Variants in PCDH17 observed in about 807,000 individuals in gnomAD.
PCDH17 encodes the protein protocadherin 17, also known as protocadherin-17.
PCDH17 carries 21 observed loss-of-function variants against 67.7 expected under a neutral mutation model. The ratio of observed to expected loss-of-function variants is 0.31; its 90% confidence interval spans 0.22 to 0.45. The LOEUF (loss-of-function observed/expected upper bound fraction) is 0.45. Ranked by LOEUF, PCDH17 falls within the 20% of genes least tolerant of loss-of-function variation. The pLI, the probability that PCDH17 is intolerant of heterozygous loss-of-function variation, is 1.00. For missense variants in PCDH17, 1,471 were observed against 1,564.8 expected (o/e 0.94, Z 1.01); for synonymous variants, 701 against 656.7 (o/e 1.07, Z -1.03).
At chr13:57,696,461 G>A (rs1955609464) in intron 3 of PCDH17, among the ~76,000 whole-genome samples, 1 of 150,950 alleles carries the variant, frequency 6.6e-6, no homozygotes, top group East Asian at 1.9e-4. Flanking sequence ...GAATATTGAT[G>A]GAAATGTTAA....
intron 3 of PCDH17, 146 bp downstream of exon 3, chr13:57,666,979 A>G: frequency 1.7e-6 from 1 of 601,634 alleles, no homozygotes; most frequent in East Asian, 3.2e-5. Context: ...TGCCCCAGAA[A>G]AAAAGCAACC....
chr13:57,683,525 G>C (rs1277118187), intron 3 of PCDH17, among the ~76,000 whole-genome samples: 2 of 151,798 alleles, frequency 1.3e-5, no homozygotes, highest in African/African-American at 2.4e-5. Flanking sequence ...GTTAGGTTTT[G>C]ATTGCCTTTA....
rs958109008 is a variant in PCDH17, at chr13:57,724,696, C to A, written c.2882C>A (p.Ala961Asp). The A allele has an allele frequency of 1.2e-6, 2 of 1,614,026 alleles. No homozygotes were observed. Among genetic ancestry groups the A allele is most frequent in the Admixed American group, 3.3e-5 (2 of 60,002 alleles). Reference protein sequence around the residue: ...DRCWMPQFPAANQAENADYRT... With the variant: ...DRCWMPQFPADNQAENADYRT... ...TGCTGGATGCCACAGTTCCCTGCAGCCAATCAGGCTGAAAATGCAGATTAC... is the reference window on the plus strand; with the variant it reads ...TGCTGGATGCCACAGTTCCCTGCAGACAATCAGGCTGAAAATGCAGATTAC... Residue 961 changes from alanine to aspartate, a missense_variant, in exon 4 of 4, where the codon GCC (alanine) becomes GAC (aspartate). Around this residue, in one of 3 missense-constraint regions of PCDH17, gnomAD observed 297 missense variants for 298.6 expected, o/e 0.99. Coordinates refer to ENST00000377918, the MANE Select transcript of PCDH17 (RefSeq NM_001040429.3).
At position 57,633,229 on chromosome 13, in the gene PCDH17, A is replaced by G. The variant is rs370170440; in HGVS notation, c.683A>G (p.Gln228Arg). The G allele has an allele frequency of 2.9e-5, 46 of 1,613,232 alleles. No homozygotes were observed. The highest frequency in any genetic ancestry group is 5.0e-5 in the Admixed American group (3 of 59,998). The change falls in exon 1 of 4, where the codon CAG (glutamine) becomes CGG (arginine). Residue 228 changes from glutamine (Q) to arginine (R), a missense_variant. Gln to Arg is a conservative substitution (Grantham distance 43, BLOSUM62 1). This residue lies in a region of PCDH17 where 1,163 missense variants were observed against 1,230.0 expected (regional missense o/e 0.95). Transcript: ENST00000377918. The surrounding 1 kb of genome is among the most constrained non-coding windows in gnomAD (Gnocchi z 6.2). ...GAGCCTCCACGTTCCGCCACCGTAC[A>G]GATCAACGTGAAGGTGATTGACTCC... ...GGEPPRSATV[Q>R]INVKVIDSND...
chr13:57,649,866 A>G (rs1274049889), intron 1 of PCDH17, among the ~76,000 whole-genome samples: 1 of 152,140 alleles, frequency 6.6e-6, no homozygotes, highest in Non-Finnish European at 1.5e-5. Flanking sequence ...TATATTAAGT[A>G]TATAGCTTTT....
At position 57,666,414 on chromosome 13, in the gene PCDH17, CAGG is replaced by C. The variant is rs1029684802; in HGVS notation, c.2566-51_2566-49del. 1,592 of 1,315,530 alleles carry C rather than the reference CAGG, an allele frequency of 1.2e-3. 4 individuals are homozygous for C. Among genetic ancestry groups the C allele is most frequent in the Non-Finnish European group, 9.1e-4 (831 of 913,510 alleles). The allele number at this position is 1,315,530 out of a possible 1,614,324, so 81.5% of individuals were successfully genotyped here. A position where few individuals can be genotyped will look rare whatever the true frequency, so the allele number is the denominator to read the frequency against. ...TCCACTAGGAAATCTTGTTGCTCTG[CAGG>C]AGATTTGTCCAGTGTACAACTATAC... On this transcript the variant is annotated intron_variant, in intron 1 of 3. Transcript: ENST00000377918.
At chr13:57,693,144 G>A (rs1955574373) in intron 3 of PCDH17, among the ~76,000 whole-genome samples, 1 of 149,764 alleles carries the variant, frequency 6.7e-6, no homozygotes, top group African/African-American at 2.4e-5. Flanking sequence ...TATTTCCACG[G>A]TTTTCAAATA....
chr13:57,708,007 GGCAGTATCCAATCAAGTACACA>G (rs1184051979), intron 3 of PCDH17, among the ~76,000 whole-genome samples: 4 of 151,968 alleles, frequency 2.6e-5, no homozygotes, highest in East Asian at 3.9e-4. Flanking sequence ...TAGGGTGGGG[GGCAGTATCCAATCAAGTACACA>G]GCCTATAGCT....
chr13:57,680,658 C>T (rs1955440113), intron 3 of PCDH17, among the ~76,000 whole-genome samples: 1 of 151,434 alleles, frequency 6.6e-6, no homozygotes, highest in South Asian at 2.1e-4. Flanking sequence ...ACTTGATGGC[C>T]AAGCTGATCA....
At chr13:57,635,999 T>G (rs1007780778) in intron 1 of PCDH17, among the ~76,000 whole-genome samples, 1 of 152,218 alleles carries the variant, frequency 6.6e-6, no homozygotes, top group Non-Finnish European at 1.5e-5. Context: ...GCATTTAGTT[T>G]GCATAGTGTG....
At chr13:57,696,014 A>G (rs1465037268) in intron 3 of PCDH17, among the ~76,000 whole-genome samples, 2 of 151,404 alleles carry the variant, frequency 1.3e-5, no homozygotes, top group South Asian at 2.1e-4. Context: ...TTTGAAATCC[A>G]GAACTGTTAG....
intron 1 of PCDH17, among the ~76,000 whole-genome samples, chr13:57,640,336 A>C (rs1954875626): frequency 6.6e-6 from 1 of 152,028 alleles, no homozygotes; most frequent in African/African-American, 2.4e-5. Context: ...AAATTTGGCT[A>C]TGCCTGTATT....
chr13:57,695,110 G>A (rs1305240932), intron 3 of PCDH17, among the ~76,000 whole-genome samples: 1 of 150,326 alleles, frequency 6.7e-6, no homozygotes, highest in African/African-American at 2.4e-5. Flanking sequence ...CCTACTGCCT[G>A]AAAAAAAATG....
intron 1 of PCDH17, among the ~76,000 whole-genome samples, chr13:57,659,196 A>G (rs1238689832): frequency 6.6e-6 from 1 of 151,990 alleles, no homozygotes; most frequent in Admixed American, 6.6e-5. Flanking sequence ...ATTGAATTCT[A>G]GCAGCATTTA....
In PCDH17 at chr13:57,729,254, G is replaced by A. The variant is rs950198718; in HGVS notation, c.*3960G>A. The stretch of plus-strand genomic sequence containing the variant: ...ATCTCAACGCTATTGTTTAATGGCT[G>A]TGTTTAATGTGATCTATCTGGAAAA... On this transcript the variant is annotated 3_prime_UTR_variant, in exon 4 of 4. Transcript: ENST00000377918. 6.6e-6 allele frequency: 1 copy of A among 152,138 alleles called. No individual in the cohort carries two copies. The highest frequency in any genetic ancestry group is 2.4e-5 in the African/African-American group (1 of 41,450). 9.4% of individuals were successfully genotyped at this position (152,138 alleles called of 1,614,324 possible). A position where few individuals can be genotyped will look rare whatever the true frequency, so the allele number is the denominator to read the frequency against.
chr13:57,684,566 A>G (rs73207444), intron 3 of PCDH17, among the ~76,000 whole-genome samples: 7,738 of 151,994 alleles, frequency 0.051, 261 homozygotes, highest in Middle Eastern at 0.095. Context: ...TTAGCACACA[A>G]GTATTCAAAA....
intron 3 of PCDH17, among the ~76,000 whole-genome samples, chr13:57,717,444 A>C (rs1200338852): frequency 6.6e-6 from 1 of 151,988 alleles, no homozygotes; most frequent in Non-Finnish European, 1.5e-5. Flanking sequence ...TACGCCAGAA[A>C]ATTCCACTCC....
chr13:57,723,414 T>G (rs574774625), intron 3 of PCDH17, among the ~76,000 whole-genome samples: 3 of 152,268 alleles, frequency 2.0e-5, no homozygotes, highest in South Asian at 2.1e-4. Context: ...ATATACAAAT[T>G]TATCAATGCT....
intron 3 of PCDH17, among the ~76,000 whole-genome samples, chr13:57,677,420 T>G (rs1955403921): frequency 6.6e-6 from 1 of 151,808 alleles, no homozygotes; most frequent in Non-Finnish European, 1.5e-5. Flanking sequence ...AGCTAGGACT[T>G]AAGAGATGAA....
Sources: gnomAD v4.1 joint callset for allele counts (sites outside exome capture counted in the v4.1 genomes callset) on GRCh38, gnomAD v4.1.1 for gene constraint, gnomAD v4.1.1 regional missense constraint, Gnocchi (gnomAD v3.1) non-coding constraint, MANE v1.5 for transcripts, NCBI Gene and HGNC (gene_info 2026-07-23, HGNC 2026-07-21) for gene names.